The following VAV2 variants were observed in gnomAD, a reference collection of about 807,000 sequenced individuals.
VAV2 encodes the protein guanine nucleotide exchange factor VAV2.
In VAV2, 67 loss-of-function variants were observed where a neutral mutation model predicts 132.5. That is an observed-to-expected ratio of 0.51 (90% CI 0.42 to 0.62). The LOEUF (loss-of-function observed/expected upper bound fraction) is 0.62. Ranked by LOEUF, VAV2 falls within the 20% of genes least tolerant of loss-of-function variation. VAV2 has a pLI of 0.00. For missense variants in VAV2, 938 were observed against 1,153.6 expected, an observed-to-expected ratio of 0.81 and a Z score of 2.71; for synonymous variants, 492 against 443.5, an observed-to-expected ratio of 1.11 and a Z score of -1.37.
In VAV2 at chr9:133,809,020, T is replaced by G; in HGVS notation, c.666+20A>C. The stretch of plus-strand genomic sequence containing the variant: ...CACAGTGGCCGCTGCCATTTTCCAG[T>G]GGCCGCCATCTGCCCTCACCTTCTC... On this transcript the variant is annotated intron_variant, in intron 7 of 29. Coordinates refer to ENST00000371850, the MANE Select transcript of VAV2 (RefSeq NM_001134398.2). The G allele has an allele frequency of 6.2e-7, 1 of 1,609,168 alleles. No homozygotes were observed. Among genetic ancestry groups the G allele is most frequent in the Non-Finnish European group, 8.5e-7 (1 of 1,176,240 alleles).
intron 1 of VAV2, among the ~76,000 whole-genome samples, chr9:133,954,081 C>A (rs1841661020): frequency 6.6e-6 from 1 of 152,198 alleles, no homozygotes; most frequent in African/African-American, 2.4e-5. Context: ...TCTCAACGTG[C>A]AACAAACACG....
At position 133,834,975 on chromosome 9, in the gene VAV2, G is replaced by C. The variant is rs1315893360; in HGVS notation, c.381-635C>G. Among the ~76,000 whole-genome samples the C allele has an allele frequency of 1.3e-5, 2 of 152,136 alleles. No homozygotes were observed. The highest frequency in any genetic ancestry group is 4.8e-5 in the African/African-American group (2 of 41,418). Reference sequence around the variant, plus strand: ...AAGCCCCATGGGGTCTCCCCAGAAGGAACGCGGCGGTGCTCCCCCACACTC... The same window carrying C: ...AAGCCCCATGGGGTCTCCCCAGAAGCAACGCGGCGGTGCTCCCCCACACTC... On this transcript the variant is annotated intron_variant, in intron 3 of 29. Coordinates refer to ENST00000371850, the MANE Select transcript of VAV2 (RefSeq NM_001134398.2). The surrounding 1 kb of genome is among the most constrained non-coding windows in gnomAD (Gnocchi z 5.9).
chr9:133,768,179 G>T lies in VAV2; in HGVS notation c.2589+263C>A, dbSNP rs533142563. Among the ~76,000 whole-genome samples the T allele has an allele frequency of 3.3e-5, 5 of 152,116 alleles. No individual in the cohort carries two copies. Among genetic ancestry groups the T allele is most frequent in the Non-Finnish European group, 5.9e-5 (4 of 68,002 alleles). On this transcript the variant is annotated intron_variant, in intron 29 of 29. Transcript: ENST00000371850. The surrounding 1 kb of genome is among the most constrained non-coding windows in gnomAD (Gnocchi z 5.3). The stretch of plus-strand genomic sequence containing the variant: ...AATAAAAATGGAACAGGGTCGGGGG[G>T]TTCCTAGGAGCCTGGATCCGCATCA...
chr9:133,772,178 A>C, intron 25 of VAV2, 132 bp from the exon 26 acceptor site: 1 of 668,792 alleles, frequency 1.5e-6, no homozygotes. Flanking sequence ...ACTCCCTGTC[A>C]GCCCTGTCCT....
intron 12 of VAV2, among the ~76,000 whole-genome samples, chr9:133,793,099 T>A (rs564674814): frequency 1.3e-5 from 2 of 151,774 alleles, no homozygotes; most frequent in Non-Finnish European, 2.9e-5. Context: ...GGTCAGGAAG[T>A]CCCTCTCTCC....
At chr9:133,765,275 C>A (rs1833394765) in intron 29 of VAV2, among the ~76,000 whole-genome samples, 1 of 152,236 alleles carries the variant, frequency 6.6e-6, no homozygotes, top group Non-Finnish European at 1.5e-5. Context: ...CTGCAAATTA[C>A]TTGCTAATTA....
In VAV2 at chr9:133,991,216, C is replaced by G. The variant is rs915760002; in HGVS notation, c.204+859G>C. Among the ~76,000 whole-genome samples the G allele has an allele frequency of 6.6e-6, 1 of 152,066 alleles. No individual in the cohort carries two copies. Among genetic ancestry groups the G allele is most frequent in the Non-Finnish European group, 1.5e-5 (1 of 68,018 alleles). ...CCCCCGACCTCTTCTAAGCTGCTCCCGGTAAGGATTCCGCGACCCCCGGAG... is the reference window on the plus strand; with the variant it reads ...CCCCCGACCTCTTCTAAGCTGCTCCGGGTAAGGATTCCGCGACCCCCGGAG... On this transcript the variant is annotated intron_variant, in intron 1 of 29. Transcript: ENST00000371850. This position sits in a 1 kb window ranked among gnomAD's most constrained non-coding sequence, Gnocchi z 4.8.
intron 4 of VAV2, among the ~76,000 whole-genome samples, chr9:133,813,640 C>T (rs977384177): frequency 1.3e-5 from 2 of 152,212 alleles, no homozygotes; most frequent in Admixed American, 1.3e-4. Flanking sequence ...CTTGTGGAGC[C>T]TCCCGCAGGC....
chr9:133,970,983 G>A (rs560667570), intron 1 of VAV2, among the ~76,000 whole-genome samples: 1 of 152,360 alleles, frequency 6.6e-6, no homozygotes, highest in Admixed American at 6.5e-5. Flanking sequence ...AATGGTGTGT[G>A]AAAATTCTAT....
At chr9:133,871,412 G>A (rs576414457) in intron 2 of VAV2, among the ~76,000 whole-genome samples, 1 of 151,010 alleles carries the variant, frequency 6.6e-6, no homozygotes, top group Non-Finnish European at 1.5e-5. Context: ...ACGGATGGAT[G>A]GATGGATGGA....
intron 2 of VAV2, among the ~76,000 whole-genome samples, chr9:133,868,020 C>T (rs10114514): frequency 0.16 from 24,604 of 152,236 alleles, 2,479 homozygotes; most frequent in African/African-American, 0.29. Context: ...AAGTGCACCT[C>T]GGACAGACAG....
Position 133,764,618 on chromosome 9 carries a change from G to C in VAV2, c.2590-509C>G, listed in dbSNP as rs140513503. Among the ~76,000 whole-genome samples, 920 of 152,272 alleles carry C rather than the reference G, an allele frequency of 6.0e-3. 9 individuals carry two copies. Among genetic ancestry groups the C allele is most frequent in the Middle Eastern group, 0.014 (4 of 294 alleles). On this transcript the variant is annotated intron_variant, in intron 29 of 29. Coordinates refer to ENST00000371850, the MANE Select transcript of VAV2 (RefSeq NM_001134398.2). ...AAATCCTAGAACTGAAACATACGAT[G>C]AATGAAATGAAGAATCCAATAGAGG... is the stretch of plus-strand genomic sequence containing the variant.
chr9:133,861,259 G>A (rs1206684274), intron 3 of VAV2, 115 bp downstream of exon 3: 9 of 1,186,766 alleles, frequency 7.6e-6, no homozygotes, highest in African/African-American at 1.6e-5. Context: ...GCAAATGCAT[G>A]ATAAAGACAC....
intron 2 of VAV2, among the ~76,000 whole-genome samples, chr9:133,875,599 G>A (rs1838230427): frequency 6.6e-6 from 1 of 152,228 alleles, no homozygotes; most frequent in Non-Finnish European, 1.5e-5. Context: ...CGGCACTGCA[G>A]CGCACGGCAG....
In VAV2 at chr9:133,768,820, C is replaced by T. The variant is rs370160703; in HGVS notation, c.2435-224G>A. On this transcript the variant is annotated intron_variant, in intron 28 of 29. Coordinates refer to ENST00000371850, the MANE Select transcript of VAV2 (RefSeq NM_001134398.2). This position sits in a 1 kb window ranked among gnomAD's most constrained non-coding sequence, Gnocchi z 5.3. ...GGGACACAGCACATCCAAGTCCCTG[C>T]AATGAGGATGTTCTTAGGGACAAGA... Among the ~76,000 whole-genome samples, 25 of 152,272 alleles carry T rather than the reference C, an allele frequency of 1.6e-4. 1 individual carries two copies. Among genetic ancestry groups the T allele is most frequent in the African/African-American group, 5.8e-4 (24 of 41,552 alleles).
intron 2 of VAV2, among the ~76,000 whole-genome samples, chr9:133,913,127 C>A (rs1419583032): frequency 1.3e-5 from 2 of 152,202 alleles, no homozygotes. Context: ...GGAGCTGGCA[C>A]TCTGAGAGGG....
chr9:133,807,459 G>T, intron 7 of VAV2, 133 bp from the exon 8 acceptor site: 1 of 867,944 alleles, frequency 1.2e-6, no homozygotes, highest in Non-Finnish European at 1.7e-6. Context: ...GGGGTAGCCT[G>T]TGTTCTGGCC....
At chr9:133,867,470 C>T (rs532227970) in intron 2 of VAV2, among the ~76,000 whole-genome samples, 8 of 152,204 alleles carry the variant, frequency 5.3e-5, no homozygotes, top group Non-Finnish European at 1.0e-4. Context: ...GTCCCCGGCA[C>T]CCTGCAGGCC....
chr9:133,784,263 G>A, intron 18 of VAV2, 54 bp downstream of exon 18: 1 of 1,564,200 alleles, frequency 6.4e-7, no homozygotes, highest in Admixed American at 1.7e-5. Flanking sequence ...CTCTCTCAGG[G>A]GCCTGGGCTG....
Sources: gnomAD v4.1 joint callset for allele counts (sites outside exome capture counted in the v4.1 genomes callset) on GRCh38, gnomAD v4.1.1 for gene constraint, Gnocchi (gnomAD v3.1) non-coding constraint, MANE v1.5 for transcripts, NCBI Gene and HGNC (gene_info 2026-07-23, HGNC 2026-07-21) for gene names.